PHF14: variants seen among roughly 807,000 people sequenced by gnomAD.
PHF14 encodes PHD finger protein 14.
PHF14 carries 55 observed loss-of-function variants against 117.9 expected under a neutral mutation model. The observed-to-expected ratio is 0.47, with a 90% CI of 0.38 to 0.58. The LOEUF (loss-of-function observed/expected upper bound fraction) is 0.58, where lower values mean the gene tolerates loss of function less well. PHF14 is among the 20% of genes least tolerant of loss of function. PHF14 has a pLI of 0.00. For missense variants in PHF14, 978 were observed against 1,122.2 expected (o/e 0.87, Z 1.84); for synonymous variants, 409 against 368.6 (o/e 1.11, Z -1.26).
intron 4 of PHF14, among the ~76,000 whole-genome samples, chr7:11,008,025 G>A (rs572835601): frequency 7.2e-5 from 11 of 152,214 alleles, no homozygotes; most frequent in South Asian, 6.2e-4. Flanking sequence ...ACCTCTGACC[G>A]TGATGTCACT....
At chr7:11,048,566 T>G (rs1330291720) in intron 13 of PHF14, among the ~76,000 whole-genome samples, 2 of 152,182 alleles carry the variant, frequency 1.3e-5, no homozygotes, top group Non-Finnish European at 2.9e-5. Context: ...TGCAAGACTC[T>G]GTCTGAAAAC....
intron 13 of PHF14, among the ~76,000 whole-genome samples, chr7:11,049,802 A>T (rs922461823): frequency 2.6e-5 from 4 of 152,206 alleles, no homozygotes; most frequent in African/African-American, 9.6e-5. Context: ...TTCATATGGG[A>T]CAAATGCAGG....
At chr7:11,035,809 C>A in intron 8 of PHF14, 23 bp downstream of exon 8, 2 of 1,547,554 alleles carry the variant, frequency 1.3e-6, no homozygotes, top group South Asian at 1.2e-5. Context: ...TGTCAAAACC[C>A]GTATGTTTTT....
At chr7:11,061,864 T>C in intron 15 of PHF14, 23 bp downstream of exon 15, 1 of 1,531,438 alleles carries the variant, frequency 6.5e-7, no homozygotes, top group Non-Finnish European at 8.8e-7. Flanking sequence ...TAAGCACTTT[T>C]ACACAGTCTT....
intron 17 of PHF14, among the ~76,000 whole-genome samples, chr7:11,165,987 G>A (rs1337946129): frequency 1.3e-5 from 2 of 152,110 alleles, no homozygotes; most frequent in East Asian, 1.9e-4. Context: ...AATTCTGTCC[G>A]TGTAAAAAGA....
chr7:11,093,687 C>A (rs1001157099), intron 16 of PHF14, among the ~76,000 whole-genome samples: 2 of 152,168 alleles, frequency 1.3e-5, no homozygotes, highest in Non-Finnish European at 2.9e-5. Context: ...CAAAGGAGTT[C>A]TTAATTTTCC....
At chr7:11,115,154 A>C (rs1220517138) in intron 17 of PHF14, among the ~76,000 whole-genome samples, 1 of 151,984 alleles carries the variant, frequency 6.6e-6, no homozygotes, top group Non-Finnish European at 1.5e-5. Context: ...TCTTCTTTAA[A>C]TATTTCTCCA....
intron 17 of PHF14, 101 bp downstream of exon 17, chr7:11,111,568 G>T: frequency 1.7e-5 from 10 of 580,678 alleles, no homozygotes; most frequent in East Asian, 6.3e-5. Flanking sequence ...GGAATATGAA[G>T]AACCAACATT....
intron 13 of PHF14, among the ~76,000 whole-genome samples, chr7:11,046,053 G>A (rs1367772552): frequency 3.9e-5 from 6 of 152,138 alleles, no homozygotes; most frequent in Admixed American, 3.9e-4. Flanking sequence ...TTAATAGGTG[G>A]GTGAAGAATT....
intron 17 of PHF14, among the ~76,000 whole-genome samples, chr7:11,141,386 A>G (rs989772116): frequency 3.3e-5 from 5 of 152,042 alleles, no homozygotes; most frequent in Admixed American, 6.6e-5. Context: ...CTCCAAGTCT[A>G]ATGGTCTTTC....
At chr7:10,987,824 T>C (rs901565630) in intron 3 of PHF14, among the ~76,000 whole-genome samples, 4 of 152,018 alleles carry the variant, frequency 2.6e-5, no homozygotes, top group Admixed American at 6.5e-5. Flanking sequence ...ATTGATCTAA[T>C]CATAAGTGTG....
At chr7:10,989,363 CAT>C (rs765174940) in intron 3 of PHF14, among the ~76,000 whole-genome samples, 80 of 151,924 alleles carry the variant, frequency 5.3e-4, no homozygotes, top group Non-Finnish European at 7.9e-4. Context: ...AATAATAAAA[CAT>C]ATTTATGAAA....
intron 2 of PHF14, among the ~76,000 whole-genome samples, chr7:10,979,106 A>G (rs1781969490): frequency 6.6e-6 from 1 of 152,222 alleles, no homozygotes; most frequent in Admixed American, 6.5e-5. Context: ...ATATTAGCAT[A>G]AAACTAAATT....
intron 16 of PHF14, among the ~76,000 whole-genome samples, chr7:11,094,018 T>C (rs1261894262): frequency 6.6e-6 from 1 of 152,198 alleles, no homozygotes; most frequent in African/African-American, 2.4e-5. Flanking sequence ...TTTCTTTTAA[T>C]GACATTATGG....
intron 8 of PHF14, among the ~76,000 whole-genome samples, chr7:11,036,033 TTACTC>T (rs1784316350): frequency 1.3e-5 from 2 of 152,190 alleles, no homozygotes; most frequent in South Asian, 2.1e-4. Flanking sequence ...TGTGAGGAAA[TTACTC>T]TATCAGTGCA....
chr7:11,091,517 C>T (rs535431219), intron 16 of PHF14, among the ~76,000 whole-genome samples: 3 of 152,146 alleles, frequency 2.0e-5, no homozygotes, highest in South Asian at 4.2e-4. Flanking sequence ...GCACTTTGGG[C>T]GGCCAAGGTA....
chr7:11,073,437 C>T (rs1377058430), intron 16 of PHF14, among the ~76,000 whole-genome samples: 1 of 152,200 alleles, frequency 6.6e-6, no homozygotes, highest in Non-Finnish European at 1.5e-5. Flanking sequence ...ATGCCATATC[C>T]TGCATCCTGG....
chr7:11,156,699 G>A (rs1479387945), intron 17 of PHF14, among the ~76,000 whole-genome samples: 2 of 152,140 alleles, frequency 1.3e-5, no homozygotes, highest in African/African-American at 4.8e-5. Flanking sequence ...GGAAGCTGAG[G>A]CAGGAGAATC....
intron 4 of PHF14, among the ~76,000 whole-genome samples, chr7:10,998,400 G>C (rs1782739120): frequency 6.6e-6 from 1 of 151,852 alleles, no homozygotes; most frequent in Admixed American, 6.6e-5. Flanking sequence ...ACTGAATAAG[G>C]AAACATATAC....
Sources: gnomAD v4.1 joint callset for allele counts (sites outside exome capture counted in the v4.1 genomes callset) on GRCh38, gnomAD v4.1.1 for gene constraint, MANE v1.5 for transcripts, NCBI Gene and HGNC (gene_info 2026-07-23, HGNC 2026-07-21) for gene names.